CSE1L: variants seen among roughly 807,000 people sequenced by gnomAD.
The protein encoded by CSE1L is exportin-2.
A neutral mutation model predicts 120.4 loss-of-function variants in CSE1L; 24 were observed. That is an observed-to-expected ratio of 0.20 (90% CI 0.14 to 0.28). CSE1L has a LOEUF of 0.28. CSE1L is among the 10% of genes least tolerant of loss of function. The pLI is 1.00. For synonymous variants in CSE1L, 402 were observed against 398.3 expected (o/e 1.01, Z -0.11); for missense variants, 830 against 1,145.2 (o/e 0.72, Z 3.97).
rs1002117928 is a variant in CSE1L, at chr20:49,076,976, T to C, written c.1336-4T>C. ...TTTTACTATGTTATGAATTTGCTTT[T>C]CAGCATGGAATTACACAAGCAAATG... On this transcript the variant is annotated splice_region_variant and splice_polypyrimidine_tract_variant and intron_variant, in intron 12 of 24. Transcript: ENST00000262982. 19 of 1,588,910 alleles carry C rather than the reference T, an allele frequency of 1.2e-5. No individual in the cohort carries two copies. Among genetic ancestry groups the C allele is most frequent in the Non-Finnish European group, 1.5e-5 (18 of 1,168,380 alleles).
At chr20:49,093,877 G>A (rs528317834) in intron 22 of CSE1L, among the ~76,000 whole-genome samples, 119 of 151,086 alleles carry the variant, frequency 7.9e-4, no homozygotes, top group African/African-American at 2.6e-3. Flanking sequence ...AGATCACACC[G>A]TTCCACTCCA....
At chr20:49,067,446 CTCCCATCTA>C (rs2091901540) in intron 6 of CSE1L, among the ~76,000 whole-genome samples, 166 bp downstream of exon 6, 1 of 152,156 alleles carries the variant, frequency 6.6e-6, no homozygotes, top group Admixed American at 6.6e-5. Context: ...CTATAGTGAA[CTCCCATCTA>C]TTATTACACA....
chr20:49,086,149 G>A (rs578212196), intron 16 of CSE1L, among the ~76,000 whole-genome samples: 2 of 152,158 alleles, frequency 1.3e-5, no homozygotes, highest in East Asian at 3.9e-4. Context: ...TGCCAGCTCT[G>A]AATTTAGAGA....
At chr20:49,055,601 C>T (rs1248677335) in intron 1 of CSE1L, among the ~76,000 whole-genome samples, 1 of 152,082 alleles carries the variant, frequency 6.6e-6, no homozygotes, top group Non-Finnish European at 1.5e-5. Flanking sequence ...CCTGTAGTCC[C>T]AGCTACTCAA....
intron 1 of CSE1L, among the ~76,000 whole-genome samples, chr20:49,047,564 CTTTTTTTTTTTTTTTTTTTTT>C (rs59986218): frequency 2.9e-5 from 2 of 69,928 alleles, no homozygotes; most frequent in African/African-American, 7.7e-5. Flanking sequence ...TTTCTCTTTT[CTTTTTTTTTTTTTTTTTTTTT>C]TTTTTTTGAG....
intron 2 of CSE1L, among the ~76,000 whole-genome samples, chr20:49,059,084 T>C (rs1034251227): frequency 2.0e-5 from 3 of 151,350 alleles, no homozygotes; most frequent in Non-Finnish European, 4.4e-5. Context: ...TGAGCCGAGA[T>C]TGCGCCACTG....
In CSE1L at chr20:49,092,060, A is replaced by G; in HGVS notation, c.2380A>G (p.Ile794Val). The G allele has an allele frequency of 6.4e-7, 1 of 1,564,962 alleles. No individual in the cohort carries two copies. Among genetic ancestry groups the G allele is most frequent in the Non-Finnish European group, 8.8e-7 (1 of 1,140,710 alleles). ...TKFIKSFLVFINLYCIKYGAL... is the reference protein window; with the variant it reads ...TKFIKSFLVFVNLYCIKYGAL... Reference sequence around the variant, plus strand: ...TCTTTCAACAGGTTTTTTAGTCTTTATTAATTTGTATTGCATAAAATATGG... The same window carrying G: ...TCTTTCAACAGGTTTTTTAGTCTTTGTTAATTTGTATTGCATAAAATATGG... Residue 794 changes from isoleucine (I) to valine (V), a missense_variant, in exon 22 of 25, where the codon ATT becomes GTT. Transcript: ENST00000262982.
intron 14 of CSE1L, 148 bp from the exon 15 acceptor site, chr20:49,083,878 T>C: frequency 1.4e-6 from 1 of 704,654 alleles, no homozygotes; most frequent in African/African-American, 1.8e-5. Context: ...GTGAAAGTTT[T>C]GGTTTCTGGG....
intron 3 of CSE1L, among the ~76,000 whole-genome samples, chr20:49,063,564 A>AG (rs2091868744): frequency 1.3e-5 from 2 of 152,202 alleles, no homozygotes; most frequent in Non-Finnish European, 2.9e-5. Flanking sequence ...TCTCAAAAAA[A>AG]AGGATTCAGA....
chr20:49,095,681 G>A (rs2092133987), intron 24 of CSE1L, among the ~76,000 whole-genome samples: 1 of 151,982 alleles, frequency 6.6e-6, no homozygotes, highest in Non-Finnish European at 1.5e-5. Context: ...TGACTGTATA[G>A]TTGCATTTTG....
At chr20:49,095,078 A>C in intron 24 of CSE1L, 115 bp downstream of exon 24, 30 of 796,684 alleles carry the variant, frequency 3.8e-5, no homozygotes, top group Non-Finnish European at 6.3e-5. Flanking sequence ...ACTAAATCTC[A>C]TTGAGTTACA....
Position 49,048,146 on chromosome 20 carries a change from C to CTTT in CSE1L, c.-12+1739_-12+1741dup, listed in dbSNP as rs34878925. On this transcript the variant is annotated intron_variant, in intron 1 of 24. Transcript: ENST00000262982. ...GGCCTTTCTCTGTGTGTGTCTCTCT[C>CTTT]TTTTTTTTTTTTTTTTTTGACATGC... 6.9e-3 allele frequency among the ~76,000 whole-genome samples: 885 copies of CTTT among 128,698 alleles called. 13 individuals are homozygous for CTTT. The highest frequency in any genetic ancestry group is 0.025 in the African/African-American group (825 of 33,210). The allele number at this position is 128,698 out of a possible 152,430, so 84.4% of individuals were successfully genotyped here.
intron 8 of CSE1L, among the ~76,000 whole-genome samples, chr20:49,070,936 C>T (rs913462932): frequency 1.1e-4 from 17 of 151,878 alleles, no homozygotes; most frequent in Admixed American, 2.6e-4. Flanking sequence ...AGGGAGACCT[C>T]GTCTCAGAAA....
rs1385247895 is a variant in CSE1L, at chr20:49,078,580, T to C, written c.1440T>C (p.Leu480=). The stretch of plus-strand genomic sequence containing the variant: ...ATATAGTGAATGAATTTCCTGTCCT[T>C]AAAGCTGACGGTATCAAATATATTA... The part of the protein sequence containing the change: ...KSANVNEFPV[L]KADGIKYIMI... The change falls in exon 14 of 25, where the codon CTT becomes CTC. Residue 480 remains leucine, a synonymous_variant. Coordinates refer to ENST00000262982, the MANE Select transcript of CSE1L (RefSeq NM_001316.4). 6.3e-7 allele frequency: 1 copy of C among 1,577,342 alleles called. No individual in the cohort carries two copies. Among genetic ancestry groups the C allele is most frequent in the Non-Finnish European group, 8.6e-7 (1 of 1,161,606 alleles).
intron 24 of CSE1L, among the ~76,000 whole-genome samples, chr20:49,095,425 A>T (rs2092132450): frequency 6.6e-6 from 1 of 152,030 alleles, no homozygotes; most frequent in Non-Finnish European, 1.5e-5. Context: ...CCCAGGTTCA[A>T]GTGATCCTAC....
At chr20:49,091,123 T>C (rs1299987486) in intron 21 of CSE1L, 101 bp downstream of exon 21, 4 of 897,544 alleles carry the variant, frequency 4.5e-6, no homozygotes, top group Non-Finnish European at 7.0e-6. Context: ...CGTTTTAAAC[T>C]TTATGCAAAA....
chr20:49,089,115 C>G, intron 17 of CSE1L, 132 bp from the exon 18 acceptor site: 1 of 739,768 alleles, frequency 1.4e-6, no homozygotes, highest in East Asian at 3.0e-5. Flanking sequence ...AATGAACAAG[C>G]ACTAGGGTAT....
chr20:49,050,431 T>C (rs1051704800), intron 1 of CSE1L, among the ~76,000 whole-genome samples: 1 of 147,512 alleles, frequency 6.8e-6, no homozygotes. Context: ...AGTTTCACTT[T>C]TGTTGCCCAG....
At chr20:49,052,126 T>C (rs904114077) in intron 1 of CSE1L, among the ~76,000 whole-genome samples, 2 of 152,246 alleles carry the variant, frequency 1.3e-5, no homozygotes, top group African/African-American at 2.4e-5. Flanking sequence ...GGGCTGCTAA[T>C]GATTGATCTG....
Sources: gnomAD v4.1 joint callset for allele counts (sites outside exome capture counted in the v4.1 genomes callset) on GRCh38, gnomAD v4.1.1 for gene constraint, MANE v1.5 for transcripts, NCBI Gene and HGNC (gene_info 2026-07-23, HGNC 2026-07-21) for gene names.